TSR2: variants seen among roughly 807,000 people sequenced by gnomAD.
TSR2 encodes pre-rRNA-processing protein TSR2 homolog.
A neutral mutation model predicts 13.3 loss-of-function variants in TSR2; 1 was observed. That is an observed-to-expected ratio of 0.08 (90% confidence interval 0.03 to 0.36). TSR2 has a LOEUF of 0.36. TSR2 is among the 10% of genes least tolerant of loss of function. The probability of loss-of-function intolerance (pLI) is 0.99; values close to 1 mark genes in which losing one functional copy is unlikely to be tolerated. For missense variants in TSR2, 120 were observed against 151.1 expected, an observed-to-expected ratio of 0.79 and a Z score of 1.08; for synonymous variants, 60 against 57.7, an observed-to-expected ratio of 1.04 and a Z score of -0.18.
rs1569540941 is a variant in TSR2, at chrX:54,446,885, G to A, written c.*2335G>A. Among the ~76,000 whole-genome samples, 2 of 109,622 alleles carry A rather than the reference G, an allele frequency of 1.8e-5. 1 individual carries two copies. Among genetic ancestry groups the A allele is most frequent in the Admixed American group, 2.0e-4 (2 of 10,217 alleles). On this transcript the variant is annotated 3_prime_UTR_variant, in exon 5 of 5. Transcript: ENST00000375151. ...ACTACAGGCACACGTCACCACGCCA[G>A]GCTAATTTTTGTATTTTTAGTAGAG...
At chrX:54,441,255 A>G (rs1277177233) in intron 2 of TSR2, among the ~76,000 whole-genome samples, 1 of 111,506 alleles carries the variant, frequency 9.0e-6, no homozygotes, top group East Asian at 2.8e-4. Context: ...CAGTTTTAGC[A>G]CATTTCGATT....
At position 54,447,371 on chromosome X, in the gene TSR2, C is replaced by T. The variant is rs371849177; in HGVS notation, c.*2821C>T. On this transcript the variant is annotated 3_prime_UTR_variant, in exon 5 of 5. Coordinates refer to ENST00000375151, the MANE Select transcript of TSR2 (RefSeq NM_058163.3). ...CATTTTCAGGGACCACGAACCATGC[C>T]TTGTGCCATCCTTTGCCACCCTTCT... The T allele has an allele frequency of 1.7e-5, 20 of 1,210,564 alleles. No homozygotes were observed. In the African/African-American group the frequency reaches 3.1e-4, roughly 19 times the overall value.
rs1226487472 is a variant in TSR2 at position 54,446,721 on chromosome X, CTTT to C, written c.*2189_*2191del. Among the ~76,000 whole-genome samples, 3 of 87,660 alleles carry C rather than the reference CTTT, an allele frequency of 3.4e-5. No homozygotes were observed. Among genetic ancestry groups the C allele is most frequent in the Non-Finnish European group, 2.2e-5 (1 of 45,090 alleles). 76.1% of individuals were successfully genotyped at this position (87,660 alleles called of 115,157 possible). On this transcript the variant is annotated 3_prime_UTR_variant, in exon 5 of 5. Transcript: ENST00000375151. ...CTATGCTATTGCCCCTATCTGCATA[CTTT>C]TTTTTTTTTTTTTTTTTGAGACAGA...
rs887639639 is a variant in TSR2 at position 54,446,002 on chromosome X, A to G, written c.*1452A>G. The G allele has an allele frequency of 8.8e-6, 5 of 570,363 alleles. No individual in the cohort carries two copies. The highest frequency in any genetic ancestry group is 1.4e-5 in the Non-Finnish European group (5 of 359,085). 47.0% of individuals were successfully genotyped at this position (570,363 alleles called of 1,213,427 possible). A position where few individuals can be genotyped will look rare whatever the true frequency, so the allele number is the denominator to read the frequency against. ...GCATTCGGGATTGAAAGTGCCCGTG[A>G]TGGGAGTTCAAGTATTGACTGAGCT... is the stretch of plus-strand genomic sequence containing the variant. On this transcript the variant is annotated 3_prime_UTR_variant, in exon 5 of 5. Coordinates refer to ENST00000375151, the MANE Select transcript of TSR2 (RefSeq NM_058163.3).
At chrX:54,444,230 T>A (rs957755736) in intron 4 of TSR2, 46 bp downstream of exon 4, 5 of 1,184,051 alleles carry the variant, frequency 4.2e-6, no homozygotes, top group Non-Finnish European at 5.7e-6. Flanking sequence ...TGTTTTCAAT[T>A]TTCTGGAAGA....
In TSR2 at chrX:54,446,182, T is replaced by TC; in HGVS notation, c.*1634dup. On this transcript the variant is annotated 3_prime_UTR_variant, in exon 5 of 5. Coordinates refer to ENST00000375151, the MANE Select transcript of TSR2 (RefSeq NM_058163.3). Reference sequence around the variant, plus strand: ...TCCTAAAGCAGCCACCGGTGCCTCCTCCATCTCCCTGTCCTCAGACAGTGT... The same window carrying TC: ...TCCTAAAGCAGCCACCGGTGCCTCCTCCCATCTCCCTGTCCTCAGACAGTGT... 8.3e-7 allele frequency: 1 copy of TC among 1,211,215 alleles called. No individual in the cohort carries two copies. Among genetic ancestry groups the TC allele is most frequent in the East Asian group, 3.0e-5 (1 of 33,812 alleles).
intron 3 of TSR2, among the ~76,000 whole-genome samples, 188 bp downstream of exon 3, chrX:54,443,679 C>T (rs751388935): frequency 1.0e-3 from 114 of 111,777 alleles, no homozygotes; most frequent in Admixed American, 5.7e-3. Context: ...TCAGCCCCAT[C>T]CCAAGGGCAG....
chrX:54,442,468 G>A (rs1921971535), intron 2 of TSR2, among the ~76,000 whole-genome samples: 2 of 111,678 alleles, frequency 1.8e-5, no homozygotes, highest in Non-Finnish European at 3.8e-5. Flanking sequence ...GAAGATCTGC[G>A]GCATCTGTGA....
Position 54,446,023 on chromosome X carries a change from G to T in TSR2, c.*1473G>T. 1.4e-6 allele frequency: 1 copy of T among 722,335 alleles called. No homozygotes were observed. Among genetic ancestry groups the T allele is most frequent in the South Asian group, 2.7e-5 (1 of 37,139 alleles). 59.5% of individuals were successfully genotyped at this position (722,335 alleles called of 1,213,427 possible). A position where few individuals can be genotyped will look rare whatever the true frequency, so the allele number is the denominator to read the frequency against. ...CGTGATGGGAGTTCAAGTATTGACTGAGCTGGGAGGGAAGGGGCTAGAGCC... is the reference window on the plus strand; with the variant it reads ...CGTGATGGGAGTTCAAGTATTGACTTAGCTGGGAGGGAAGGGGCTAGAGCC... On this transcript the variant is annotated 3_prime_UTR_variant, in exon 5 of 5. Coordinates refer to ENST00000375151, the MANE Select transcript of TSR2 (RefSeq NM_058163.3).
intron 1 of TSR2, 93 bp from the exon 2 acceptor site, chrX:54,440,597 A>C: frequency 5.3e-6 from 6 of 1,128,822 alleles, no homozygotes; most frequent in Non-Finnish European, 7.2e-6. Flanking sequence ...GCTAGGCGGC[A>C]TAAGAGGAGT....
chrX:54,444,500 G>A lies in TSR2; in HGVS notation c.526G>A (p.Glu176Lys), dbSNP rs750842695. Residue 176 changes from glutamate (E) to lysine (K), a missense_variant, in exon 5 of 5, where the codon GAA becomes AAA. By Grantham distance (56) the Glu-to-Lys change is moderately conservative. Transcript: ENST00000375151. ...TGATCCAGACGCTCAGACTATTAAG[G>A]AAGAGGATATAGTGGAAGATGGCTG... Reference protein sequence around the residue: ...PSDPDAQTIKEEDIVEDGWTI... With the variant: ...PSDPDAQTIKKEDIVEDGWTI... The A allele has an allele frequency of 1.4e-5, 17 of 1,211,396 alleles. No homozygotes were observed. The highest frequency in any genetic ancestry group is 1.9e-5 in the Non-Finnish European group (17 of 895,176).
chrX:54,441,029 C>T (rs751616308), intron 2 of TSR2, among the ~76,000 whole-genome samples: 49 of 111,563 alleles, frequency 4.4e-4, no homozygotes, highest in Middle Eastern at 4.6e-3. Flanking sequence ...TTCTAAAATG[C>T]GTATAAAAGT....
intron 2 of TSR2, 47 bp from the exon 3 acceptor site, chrX:54,443,353 G>A (rs760589880): frequency 9.3e-6 from 9 of 969,905 alleles, no homozygotes; most frequent in South Asian, 2.0e-5. Context: ...CAGGGGTGAT[G>A]AAGTTGGCTG....
intron 4 of TSR2, 91 bp from the exon 5 acceptor site, chrX:54,444,325 A>G: frequency 3.5e-6 from 4 of 1,147,175 alleles, no homozygotes; most frequent in Non-Finnish European, 3.5e-6. Context: ...GAACTTTCCT[A>G]AAGTTACACA....
At chrX:54,442,815 A>G in intron 2 of TSR2, among the ~76,000 whole-genome samples, 1 of 112,420 alleles carries the variant, frequency 8.9e-6, no homozygotes, top group Middle Eastern at 4.6e-3. Context: ...TTATCAGTGG[A>G]ACCACAGTTG....
rs1289829089 is a variant in TSR2 at position 54,446,950 on chromosome X, C to T, written c.*2400C>T. Among the ~76,000 whole-genome samples, 3 of 110,671 alleles carry T rather than the reference C, an allele frequency of 2.7e-5. No homozygotes were observed. The highest frequency in any genetic ancestry group is 9.9e-5 in the African/African-American group (3 of 30,366). On this transcript the variant is annotated 3_prime_UTR_variant, in exon 5 of 5. Transcript: ENST00000375151. ...TGTTGGCCAGGCTGGTCTTGAACTC[C>T]TGATCTCAGGTGAGCCACCTGCCTC...
At chrX:54,441,452 C>T (rs757794849) in intron 2 of TSR2, among the ~76,000 whole-genome samples, 1 of 111,854 alleles carries the variant, frequency 8.9e-6, no homozygotes, top group Non-Finnish European at 1.9e-5. Flanking sequence ...TAGGCAGAGT[C>T]ATCTCTCTCA....
At position 54,444,084 on chromosome X, in the gene TSR2, G is replaced by C. The variant is rs754547903; in HGVS notation, c.341G>C (p.Cys114Ser). The C allele has an allele frequency of 1.7e-6, 2 of 1,210,245 alleles. No homozygotes were observed. Among genetic ancestry groups the C allele is most frequent in the Non-Finnish European group, 2.2e-6 (2 of 895,313 alleles). ...GCTGCTCTGAGGGAGATGGCCTCCT[G>C]CATCACTCAGAGAAAATGCAAGGTC... The part of the protein sequence containing the change: ...DGAALREMAS[C>S]ITQRKCKVTA... Residue 114 changes from cysteine to serine, a missense_variant, in exon 4 of 5, where the codon TGC (cysteine) becomes TCC (serine). Coordinates refer to ENST00000375151, the MANE Select transcript of TSR2 (RefSeq NM_058163.3).
Position 54,444,119 on chromosome X carries a change from G to A in TSR2, c.376G>A (p.Ala126Thr). The A allele has an allele frequency of 8.3e-7, 1 of 1,211,972 alleles. No homozygotes were observed. Among genetic ancestry groups the A allele is most frequent in the Non-Finnish European group, 1.1e-6 (1 of 895,568 alleles). The change falls in exon 4 of 5, where the codon GCA (alanine) becomes ACA (threonine). Residue 126 changes from alanine (A) to threonine (T), a missense_variant. This residue lies in a region of TSR2 where 55 missense variants were observed against 61.3 expected (regional missense o/e 0.90). Coordinates refer to ENST00000375151, the MANE Select transcript of TSR2 (RefSeq NM_058163.3). ...GAGAAAATGCAAGGTCACAGCCACT[G>A]CACTTAAGACAGCTAGAGAGACTGA... ...TQRKCKVTAT[A>T]LKTARETDED...
Sources: gnomAD v4.1 joint callset for allele counts (sites outside exome capture counted in the v4.1 genomes callset) on GRCh38, gnomAD v4.1.1 for gene constraint, gnomAD v4.1.1 regional missense constraint, MANE v1.5 for transcripts, NCBI Gene and HGNC (gene_info 2026-07-23, HGNC 2026-07-21) for gene names.